Variants in WDR33 observed in about 807,000 individuals in gnomAD.
WDR33 encodes the protein pre-mRNA 3' end processing protein WDR33.
A neutral mutation model predicts 164.9 loss-of-function variants in WDR33; 47 were observed. The ratio of observed to expected loss-of-function variants is 0.29; its 90% CI spans 0.23 to 0.36. The LOEUF (loss-of-function observed/expected upper bound fraction) is 0.36. Ranked by LOEUF, WDR33 falls within the 10% of genes least tolerant of loss-of-function variation. WDR33 has a pLI of 1.00. For missense variants in WDR33, 1,137 were observed against 1,754.1 expected, an observed-to-expected ratio of 0.65 and a Z score of 6.28; for synonymous variants, 505 against 589.0, an observed-to-expected ratio of 0.86 and a Z score of 2.06.
At position 127,811,052 on chromosome 2, in the gene WDR33, GT is replaced by G. The variant is rs1302495082; in HGVS notation, c.-65del. 1 of 152,704 alleles carries G rather than the reference GT, an allele frequency of 6.5e-6. No individual in the cohort carries two copies. The highest frequency in any genetic ancestry group is 1.5e-5 in the Non-Finnish European group (1 of 68,058). 9.5% of individuals were successfully genotyped at this position (152,704 alleles called of 1,614,324 possible). ...AGAGCTCCTAAATGGCCAGCGAAGC[GT>G]TCGCCTTCAGAGCCAGAAATGTCTC... On this transcript the variant is annotated 5_prime_UTR_variant, in exon 1 of 22. Coordinates refer to ENST00000322313, the MANE Select transcript of WDR33 (RefSeq NM_018383.5). This position sits in a 1 kb window ranked among gnomAD's most constrained non-coding sequence, Gnocchi z 4.1.
chr2:127,728,405 C>T (rs1481247066), intron 7 of WDR33, among the ~76,000 whole-genome samples: 1 of 151,970 alleles, frequency 6.6e-6, no homozygotes, highest in Non-Finnish European at 1.5e-5. Flanking sequence ...AAGAAAAAAG[C>T]CAAGAAGTCT....
At chr2:127,707,854 C>T (rs187860066) in intron 21 of WDR33, among the ~76,000 whole-genome samples, 223 of 152,304 alleles carry the variant, frequency 1.5e-3, no homozygotes, top group African/African-American at 5.1e-3. Context: ...ACTGGGGAGA[C>T]TGAGGCACAA....
chr2:127,761,270 C>A (rs868131324), intron 7 of WDR33, among the ~76,000 whole-genome samples: 2 of 151,990 alleles, frequency 1.3e-5, no homozygotes, highest in African/African-American at 4.8e-5. Context: ...GTGCAAACTC[C>A]GCTCACTGCA....
intron 1 of WDR33, among the ~76,000 whole-genome samples, chr2:127,796,310 GGGA>G (rs1689038938): frequency 6.6e-6 from 1 of 151,904 alleles, no homozygotes. Flanking sequence ...CTGGCCTCAA[GGGA>G]TCTGCCCGAC....
intron 1 of WDR33, among the ~76,000 whole-genome samples, chr2:127,786,844 C>CTTTTTTT (rs71307273): frequency 5.4e-5 from 6 of 111,830 alleles, no homozygotes; most frequent in Non-Finnish European, 9.2e-5. Flanking sequence ...CCTTTCTGTT[C>CTTTTTTT]TTTTTTTTTT....
intron 1 of WDR33, among the ~76,000 whole-genome samples, chr2:127,807,504 C>G (rs1573494081): frequency 6.6e-6 from 1 of 152,076 alleles, no homozygotes; most frequent in African/African-American, 2.4e-5. Flanking sequence ...GAGGCAGGTA[C>G]TAATGGGACA....
intron 7 of WDR33, among the ~76,000 whole-genome samples, chr2:127,733,929 G>A (rs1438454033): frequency 6.6e-6 from 1 of 152,154 alleles, no homozygotes; most frequent in Non-Finnish European, 1.5e-5. Context: ...AAGGGTTAGG[G>A]CAGTGGTGGG....
chr2:127,771,015 GA>G lies in WDR33; in HGVS notation c.-23-12del. The G allele has an allele frequency of 6.3e-7, 1 of 1,597,200 alleles. No individual in the cohort carries two copies. The highest frequency in any genetic ancestry group is 1.7e-4 in the Middle Eastern group (1 of 5,962). ...TTTCCTTCTAGGATACTAGGATAAG[GA>G]AAAAGTACTTTCACTACAAATATCA... On this transcript the variant is annotated splice_polypyrimidine_tract_variant and intron_variant, in intron 1 of 21. Transcript: ENST00000322313.
chr2:127,750,718 G>GCATACATATATA (rs1558937039), intron 7 of WDR33, among the ~76,000 whole-genome samples: 16 of 40,222 alleles, frequency 4.0e-4, no homozygotes, highest in African/African-American at 1.2e-3. Context: ...ATATATGTAT[G>GCATACATATATA]TATGCATACA....
At position 127,719,913 on chromosome 2, in the gene WDR33, A is replaced by G; in HGVS notation, c.2112T>C (p.His704=). The change falls in exon 16 of 22, where the codon CAT becomes CAC. Residue 704 remains histidine, a synonymous_variant. Coordinates refer to ENST00000322313, the MANE Select transcript of WDR33 (RefSeq NM_018383.5). This position sits in a 1 kb window ranked among gnomAD's most constrained non-coding sequence, Gnocchi z 6.5. ...GGCCAGGTGGACCCTGAGGACCCAT[A>G]TGACCTTGAGGACCAGAACTACCTT... ...GPQGSSGPQG[H]MGPQGPPGPQ... is the part of the protein sequence containing the mutation. 1 of 1,613,976 alleles carries G rather than the reference A, an allele frequency of 6.2e-7. No individual in the cohort carries two copies. Among genetic ancestry groups the G allele is most frequent in the Non-Finnish European group, 8.5e-7 (1 of 1,179,984 alleles).
At position 127,711,772 on chromosome 2, in the gene WDR33, A is replaced by ATTTTTTTTTTTT. The variant is rs1419760091; in HGVS notation, c.3308+1810_3308+1811insAAAAAAAAAAAA. ...TACAGATATATATATATATATATAT[A>ATTTTTTTTTTTT]TATATATATTTTTTTTTTGAGACAG... is the stretch of plus-strand genomic sequence containing the variant. On this transcript the variant is annotated intron_variant, in intron 18 of 21. Transcript: ENST00000322313. 6.0e-4 allele frequency among the ~76,000 whole-genome samples: 53 copies of ATTTTTTTTTTTT among 87,710 alleles called. 1 individual carries two copies. The highest frequency in any genetic ancestry group is 1.4e-3 in the African/African-American group (22 of 16,262). The allele number at this position is 87,710 out of a possible 152,430, so 57.5% of individuals were successfully genotyped here.
At position 127,713,859 on chromosome 2, in the gene WDR33, T is replaced by G; in HGVS notation, c.3032A>C (p.Asp1011Ala). The stretch of plus-strand genomic sequence containing the variant: ...GAAGTCATCTGGTCTGCTGAAGTCA[T>G]CGGGGAAGTCTGGGTGAGGGCCACG... ...DRRGPHPDFP[D>A]DFSRPDDFHP... The change falls in exon 18 of 22, where the codon GAT becomes GCT. Residue 1011 changes from aspartate (D) to alanine (A), a missense_variant. This residue lies in a region of WDR33 where 867 missense variants were observed against 1,073.0 expected (regional missense o/e 0.81). Coordinates refer to ENST00000322313, the MANE Select transcript of WDR33 (RefSeq NM_018383.5). This position sits in a 1 kb window ranked among gnomAD's most constrained non-coding sequence, Gnocchi z 6.2. 6.2e-7 allele frequency: 1 copy of G among 1,614,236 alleles called. No homozygotes were observed. Among genetic ancestry groups the G allele is most frequent in the Non-Finnish European group, 8.5e-7 (1 of 1,180,034 alleles).
chr2:127,702,504 G>C lies in WDR33; in HGVS notation c.*3819C>G, dbSNP rs1685919285. The C allele has an allele frequency of 5.2e-6, 1 of 192,344 alleles. No homozygotes were observed. Among genetic ancestry groups the C allele is most frequent in the Non-Finnish European group, 1.2e-5 (1 of 84,974 alleles). The allele number at this position is 192,344 out of a possible 1,614,324, so 11.9% of individuals were successfully genotyped here. On this transcript the variant is annotated 3_prime_UTR_variant, in exon 22 of 22. Coordinates refer to ENST00000322313, the MANE Select transcript of WDR33 (RefSeq NM_018383.5). ...TTAGGTTCGGCTGAGTAAAGAAAAA[G>C]GATTTTTCTTCGAGTTAGCTGCTCT...
intron 7 of WDR33, among the ~76,000 whole-genome samples, chr2:127,734,340 A>C (rs1686786672): frequency 6.6e-6 from 1 of 152,204 alleles, no homozygotes; most frequent in South Asian, 2.1e-4. Flanking sequence ...ATCCAGCTAA[A>C]CGTTCCTTCA....
rs1687732895 is a variant in WDR33 at position 127,763,332 on chromosome 2, AAAG to A, written c.627-176_627-174del. The A allele has an allele frequency of 7.7e-6, 11 of 1,429,978 alleles. No individual in the cohort carries two copies. Among genetic ancestry groups the A allele is most frequent in the Admixed American group, 5.7e-5 (2 of 35,246 alleles). The allele number at this position is 1,429,978 out of a possible 1,614,324, so 88.6% of individuals were successfully genotyped here. A position where few individuals can be genotyped will look rare whatever the true frequency, so the allele number is the denominator to read the frequency against. On this transcript the variant is annotated intron_variant, in intron 6 of 21. Coordinates refer to ENST00000322313, the MANE Select transcript of WDR33 (RefSeq NM_018383.5). The surrounding 1 kb of genome is among the most constrained non-coding windows in gnomAD (Gnocchi z 4.5). ...GTCAGCTAACATAGGCATCTCATCA[AAAG>A]AAGACTTCAACAGAGCAGTTGTTTG...
intron 1 of WDR33, among the ~76,000 whole-genome samples, chr2:127,809,042 A>T (rs1438987400): frequency 6.6e-6 from 1 of 151,480 alleles, no homozygotes; most frequent in African/African-American, 2.4e-5. Context: ...AAAAAAAAAA[A>T]AAAAAAAAAA....
At position 127,708,825 on chromosome 2, in the gene WDR33, T is replaced by C. The variant is rs1184406252; in HGVS notation, c.3633A>G (p.Pro1211=). ...GAGAAGAGGAGCGTTCTCTGCTGGC[T>C]GGGGAATGACCGTCGTGAGGGGGAT... ...PDHPPHDGHS[P]ASRERSSSLQ... is the part of the protein sequence containing the mutation. The change falls in exon 21 of 22, where the codon CCA becomes CCG. Residue 1211 remains proline, a synonymous_variant. Coordinates refer to ENST00000322313, the MANE Select transcript of WDR33 (RefSeq NM_018383.5). This position sits in a 1 kb window ranked among gnomAD's most constrained non-coding sequence, Gnocchi z 6.7. 6.2e-7 allele frequency: 1 copy of C among 1,612,524 alleles called. No individual in the cohort carries two copies. Among genetic ancestry groups the C allele is most frequent in the Non-Finnish European group, 8.5e-7 (1 of 1,178,982 alleles).
At chr2:127,809,428 C>CTTTTTTTTTTTT (rs70985478) in intron 1 of WDR33, among the ~76,000 whole-genome samples, 1 of 94,616 alleles carries the variant, frequency 1.1e-5, no homozygotes, top group African/African-American at 4.5e-5. Flanking sequence ...AGCCAAATTC[C>CTTTTTTTTTTTT]TTTTTTTTTT....
At chr2:127,785,127 T>C (rs1463248478) in intron 1 of WDR33, among the ~76,000 whole-genome samples, 1 of 152,202 alleles carries the variant, frequency 6.6e-6, no homozygotes, top group African/African-American at 2.4e-5. Flanking sequence ...ATGAATGCCA[T>C]AGTTTGTCAT....
Sources: allele counts gnomAD v4.1 joint callset (sites outside exome capture counted in the v4.1 genomes callset), GRCh38; gene constraint gnomAD v4.1.1; regional missense constraint gnomAD v4.1.1; non-coding constraint Gnocchi (gnomAD v3.1); transcripts MANE v1.5; gene names NCBI Gene and HGNC (gene_info 2026-07-23, HGNC 2026-07-21).